Variants in TANC1 observed in about 807,000 individuals in gnomAD.
The protein encoded by TANC1 is protein TANC1.
In TANC1, 77 loss-of-function variants were observed where a neutral mutation model predicts 149.7. The ratio of observed to expected loss-of-function variants is 0.51; its 90% CI spans 0.43 to 0.62. The LOEUF (loss-of-function observed/expected upper bound fraction) is 0.62, where lower values mean the gene tolerates loss of function less well. Among genes scored for constraint, TANC1 ranks in the 20% least tolerant of loss-of-function variants. TANC1 has a pLI of 0.00. For synonymous variants in TANC1, 854 were observed against 925.0 expected (o/e 0.92, Z 1.39); for missense variants, 1,985 against 2,321.8 (o/e 0.85, Z 2.98).
intron 4 of TANC1, among the ~76,000 whole-genome samples, chr2:159,121,884 C>A (rs561078430): frequency 1.3e-5 from 2 of 152,262 alleles, no homozygotes; most frequent in South Asian, 4.1e-4. Flanking sequence ...ACATCCAGGC[C>A]CACTGAAGGT....
chr2:159,215,742 T>C (rs2059300986), intron 19 of TANC1, among the ~76,000 whole-genome samples: 1 of 152,228 alleles, frequency 6.6e-6, no homozygotes, highest in Non-Finnish European at 1.5e-5. Flanking sequence ...TTTTGAACTA[T>C]GTATGAACAA....
At chr2:159,224,129 G>A in intron 22 of TANC1, 103 bp from the exon 23 acceptor site, 2 of 1,315,938 alleles carry the variant, frequency 1.5e-6, no homozygotes, top group Non-Finnish European at 2.1e-6. Context: ...ATAGGCAGAG[G>A]CATCTAAAAT....
chr2:159,193,875 C>T (rs915443214), intron 16 of TANC1, among the ~76,000 whole-genome samples: 1 of 151,814 alleles, frequency 6.6e-6, no homozygotes, highest in Non-Finnish European at 1.5e-5. Flanking sequence ...ACATCAGGGC[C>T]TTGCTGTGTT....
In TANC1 at chr2:158,984,650, G is replaced by A. The variant is rs144630168; in HGVS notation, c.-126+15868G>A. On this transcript the variant is annotated intron_variant, in intron 1 of 26. Transcript: ENST00000263635. ...AAGTGCACACACAGTACCACTGCAA[G>A]GTGTTAGGGAGTGCAGGAGGAGGAG... is the stretch of plus-strand genomic sequence containing the variant. 2.6e-5 allele frequency among the ~76,000 whole-genome samples: 4 copies of A among 152,218 alleles called. No individual in the cohort carries two copies. The East Asian group carries it at 7.7e-4, about 29-fold the overall frequency.
chr2:159,079,346 C>CTTTTTTTT (rs68143585), intron 3 of TANC1, among the ~76,000 whole-genome samples: 7 of 109,902 alleles, frequency 6.4e-5, no homozygotes, highest in African/African-American at 7.2e-5. Context: ...GTGTGTGTGT[C>CTTTTTTTT]TTTTTTTTTT....
At chr2:158,990,872 A>C (rs2035548466) in intron 1 of TANC1, among the ~76,000 whole-genome samples, 1 of 152,010 alleles carries the variant, frequency 6.6e-6, no homozygotes, top group Non-Finnish European at 1.5e-5. Flanking sequence ...CAGGAGTTTG[A>C]GAACAGCCTG....
At chr2:159,200,434 C>T (rs566968529) in intron 19 of TANC1, among the ~76,000 whole-genome samples, 1 of 152,298 alleles carries the variant, frequency 6.6e-6, no homozygotes, top group Admixed American at 6.5e-5. Flanking sequence ...CCCATGAAGA[C>T]GATGGACATC....
intron 2 of TANC1, among the ~76,000 whole-genome samples, chr2:159,016,668 G>A (rs1006975470): frequency 3.3e-5 from 5 of 151,060 alleles, no homozygotes; most frequent in East Asian, 1.9e-4. Flanking sequence ...TCTGCCTCCC[G>A]GGTTCATGCC....
At chr2:159,090,534 T>C (rs753870418) in intron 3 of TANC1, among the ~76,000 whole-genome samples, 7 of 152,256 alleles carry the variant, frequency 4.6e-5, no homozygotes, top group African/African-American at 1.7e-4. Flanking sequence ...TGGAGGGTGT[T>C]GGAAACTGAA....
chr2:159,136,002 T>TTTTG (rs1334917468), intron 4 of TANC1, among the ~76,000 whole-genome samples, 192 bp from the exon 5 acceptor site: 3 of 107,776 alleles, frequency 2.8e-5, no homozygotes, highest in African/African-American at 9.6e-5. Flanking sequence ...TACTGAAATT[T>TTTTG]TGTGTGTGTG....
chr2:159,186,018 T>C, intron 15 of TANC1, 119 bp downstream of exon 15: 1 of 700,420 alleles, frequency 1.4e-6, no homozygotes, highest in Non-Finnish European at 2.5e-6. Flanking sequence ...TCAGCCCAAA[T>C]GCAACCTCCT....
At chr2:159,130,848 G>A (rs1300412355) in intron 4 of TANC1, among the ~76,000 whole-genome samples, 2 of 152,118 alleles carry the variant, frequency 1.3e-5, no homozygotes, top group Non-Finnish European at 2.9e-5. Context: ...GCCCAACTCA[G>A]AGTTCCTTTC....
At chr2:158,991,829 A>T (rs1338323071) in intron 1 of TANC1, among the ~76,000 whole-genome samples, 2 of 152,228 alleles carry the variant, frequency 1.3e-5, no homozygotes, top group Non-Finnish European at 2.9e-5. Context: ...AAGTGGCAGA[A>T]CATAAAAATA....
chr2:159,047,229 A>G lies in TANC1; in HGVS notation c.-15-18667A>G, dbSNP rs1333142021. Among the ~76,000 whole-genome samples, 3 of 149,828 alleles carry G rather than the reference A, an allele frequency of 2.0e-5. No individual in the cohort carries two copies. The South Asian group carries it at 6.5e-4, about 32-fold the overall frequency. On this transcript the variant is annotated intron_variant, in intron 2 of 26. Coordinates refer to ENST00000263635, the MANE Select transcript of TANC1 (RefSeq NM_033394.3). Reference sequence around the variant, plus strand: ...TGCCTGCTTCCTGCTCCCCACTCCAAACCACTCACCCCACGCTTGTCTGCT... The same window carrying G: ...TGCCTGCTTCCTGCTCCCCACTCCAGACCACTCACCCCACGCTTGTCTGCT...
At chr2:159,128,103 C>G (rs1432549860) in intron 4 of TANC1, among the ~76,000 whole-genome samples, 1 of 152,092 alleles carries the variant, frequency 6.6e-6, no homozygotes, top group Middle Eastern at 3.2e-3. Flanking sequence ...ACTTTTTTGT[C>G]TTCTGTTTTT....
At chr2:159,014,738 T>C (rs2038095050) in intron 2 of TANC1, among the ~76,000 whole-genome samples, 1 of 152,152 alleles carries the variant, frequency 6.6e-6, no homozygotes, top group South Asian at 2.1e-4. Context: ...ATGGGAGAAA[T>C]TGGCCAAAAC....
At chr2:159,152,114 A>T (rs2052882513) in intron 7 of TANC1, among the ~76,000 whole-genome samples, 1 of 152,164 alleles carries the variant, frequency 6.6e-6, no homozygotes, top group South Asian at 2.1e-4. Flanking sequence ...GCAAATTTAT[A>T]TTCTTTTCAC....
chr2:159,131,219 C>G (rs1301096511), intron 4 of TANC1, among the ~76,000 whole-genome samples: 2 of 152,024 alleles, frequency 1.3e-5, no homozygotes, highest in Admixed American at 1.3e-4. Flanking sequence ...TTTTCCTTAG[C>G]AGTTACAAGT....
intron 3 of TANC1, among the ~76,000 whole-genome samples, chr2:159,084,835 A>G (rs1301598974): frequency 1.3e-5 from 2 of 152,122 alleles, no homozygotes; most frequent in African/African-American, 2.4e-5. Flanking sequence ...GGAATATGCT[A>G]TCTGGGACAG....
Sources: gnomAD v4.1 joint callset for allele counts (sites outside exome capture counted in the v4.1 genomes callset) on GRCh38, gnomAD v4.1.1 for gene constraint, MANE v1.5 for transcripts, NCBI Gene and HGNC (gene_info 2026-07-23, HGNC 2026-07-21) for gene names.